The following NXPE4 variants were observed in gnomAD, a reference collection of about 807,000 sequenced individuals.
The protein encoded by NXPE4 is neurexophilin and PC-esterase domain family member 4.
In NXPE4, 42 loss-of-function variants were observed where a neutral mutation model predicts 33.3. That is an observed-to-expected ratio of 1.26 (90% CI 0.98 to 1.63). The LOEUF (loss-of-function observed/expected upper bound fraction) is 1.63, where lower values mean the gene tolerates loss of function less well. Among genes scored for constraint, NXPE4 ranks in the 40% most tolerant of loss-of-function variants. NXPE4 has a pLI of 0.00. For synonymous variants in NXPE4, 253 were observed against 234.9 expected, an observed-to-expected ratio of 1.08 and a Z score of -0.71; for missense variants, 709 against 647.6, an observed-to-expected ratio of 1.09 and a Z score of -1.03.
the NXPE4 span, among the ~76,000 whole-genome samples, chr11:114,653,467 C>A: frequency 6.6e-6 from 1 of 151,906 alleles, no homozygotes; most frequent in African/African-American, 2.4e-5. Context: ...AATATTTAAC[C>A]CTTGGGTGCT....
the NXPE4 span, among the ~76,000 whole-genome samples, chr11:114,626,246 G>C: frequency 6.6e-6 from 1 of 152,212 alleles, no homozygotes; most frequent in Non-Finnish European, 1.5e-5. Flanking sequence ...CAAAAAGACA[G>C]CAGTAACCTC....
chr11:114,673,277 G>T, the NXPE4 span, among the ~76,000 whole-genome samples: 1 of 151,286 alleles, frequency 6.6e-6, no homozygotes, highest in South Asian at 2.1e-4. Flanking sequence ...ACTTTCAGAT[G>T]AATGAAAATG....
In NXPE4 at chr11:114,582,702, C is replaced by G; in HGVS notation, c.416G>C (p.Arg139Thr). 2.5e-6 allele frequency: 4 copies of G among 1,614,126 alleles called. No homozygotes were observed. The highest frequency in any genetic ancestry group is 3.4e-6 in the Non-Finnish European group (4 of 1,180,004). Reference sequence around the variant, plus strand: ...CAGCGCTGGGGAAGACATCCTGGCCCTCAGGAAATCCCCGCCATATTGCTT... The same window carrying G: ...CAGCGCTGGGGAAGACATCCTGGCCGTCAGGAAATCCCCGCCATATTGCTT... ...RRKQYGGDFL[R>T]ARMSSPALMA... Residue 139 changes from arginine (R) to threonine (T), a missense_variant, in exon 3 of 6, where the codon AGG (arginine) becomes ACG (threonine). Transcript: ENST00000375478.
At chr11:114,628,066 T>A in the NXPE4 span, among the ~76,000 whole-genome samples, 1 of 149,806 alleles carries the variant, frequency 6.7e-6, no homozygotes, top group Non-Finnish European at 1.5e-5. Flanking sequence ...CACACGTTAA[T>A]AATGGGAGAC....
chr11:114,622,040 G>T, the NXPE4 span, among the ~76,000 whole-genome samples: 1 of 152,116 alleles, frequency 6.6e-6, no homozygotes, highest in Non-Finnish European at 1.5e-5. Context: ...TTACCCAGTG[G>T]ATAATAAGTA....
At chr11:114,614,456 C>G in the NXPE4 span, among the ~76,000 whole-genome samples, 2 of 151,596 alleles carry the variant, frequency 1.3e-5, no homozygotes, top group African/African-American at 4.8e-5. Context: ...ACCACTGTTA[C>G]CCGCTGGATG....
At chr11:114,609,434 C>A in the NXPE4 span, among the ~76,000 whole-genome samples, 6 of 151,786 alleles carry the variant, frequency 4.0e-5, no homozygotes, top group Non-Finnish European at 5.9e-5. Context: ...ATAAGTGTTG[C>A]CTCTCTGGTA....
the NXPE4 span, among the ~76,000 whole-genome samples, chr11:114,667,097 GC>G: frequency 6.6e-6 from 1 of 152,056 alleles, no homozygotes; most frequent in Non-Finnish European, 1.5e-5. Flanking sequence ...TTCTAACTGT[GC>G]TGTGATGGCC....
chr11:114,608,568 C>T, the NXPE4 span, among the ~76,000 whole-genome samples: 1 of 150,824 alleles, frequency 6.6e-6, no homozygotes, highest in Non-Finnish European at 1.5e-5. Flanking sequence ...CGTGTGTATC[C>T]ACTGATACCC....
chr11:114,603,195 C>A, the NXPE4 span, among the ~76,000 whole-genome samples: 283 of 147,984 alleles, frequency 1.9e-3, 1 homozygote, highest in African/African-American at 6.8e-3. Flanking sequence ...AGTATTGCCT[C>A]GTCTCCTAGG....
At chr11:114,629,920 A>G in the NXPE4 span, among the ~76,000 whole-genome samples, 3 of 150,642 alleles carry the variant, frequency 2.0e-5, no homozygotes, top group African/African-American at 7.3e-5. Context: ...TCCCATTCAC[A>G]ATTGCTTCAA....
chr11:114,661,973 G>C, the NXPE4 span, among the ~76,000 whole-genome samples: 2 of 152,122 alleles, frequency 1.3e-5, no homozygotes, highest in Non-Finnish European at 2.9e-5. Context: ...TGTAGGAGGT[G>C]GGGTAAGATG....
chr11:114,670,751 TGGA>T, the NXPE4 span, among the ~76,000 whole-genome samples: 1 of 151,018 alleles, frequency 6.6e-6, no homozygotes, highest in Admixed American at 6.6e-5. Context: ...TTCCATAGAG[TGGA>T]GATCAGTATA....
At chr11:114,583,411 C>T in intron 2 of NXPE4, 1 of 641,418 alleles carries the variant, frequency 1.6e-6, no homozygotes, top group Admixed American at 1.9e-5. Flanking sequence ...AAATGGAAAC[C>T]CATCACCCTC....
At chr11:114,606,189 A>T in the NXPE4 span, among the ~76,000 whole-genome samples, 3 of 138,336 alleles carry the variant, frequency 2.2e-5, no homozygotes, top group East Asian at 2.3e-4. Flanking sequence ...GGGTAATCAC[A>T]GTTACCCGGT....
Position 114,571,093 on chromosome 11 carries a change from T to C in NXPE4, c.1480A>G (p.Ile494Val). The C allele has an allele frequency of 6.2e-7, 1 of 1,614,042 alleles. No individual in the cohort carries two copies. The highest frequency in any genetic ancestry group is 8.5e-7 in the Non-Finnish European group (1 of 1,179,924). ...AERFSDFHGY[I>V]QYLIIKDIFQ... ...ATGTCCTTTATGATGAGATATTGAA[T>C]GTAACCATGAAAGTCACTAAATCTT... Residue 494 changes from isoleucine to valine, a missense_variant, in exon 6 of 6, where the codon ATT (isoleucine) becomes GTT (valine). Coordinates refer to ENST00000375478, the MANE Select transcript of NXPE4 (RefSeq NM_001077639.2).
chr11:114,577,264 T>A (rs1299950667), intron 5 of NXPE4, among the ~76,000 whole-genome samples: 1 of 150,916 alleles, frequency 6.6e-6, no homozygotes, highest in African/African-American at 2.4e-5. Flanking sequence ...CTGGATGGAA[T>A]GGGAGGCTAT....
At chr11:114,579,685 CAG>C (rs1297693946) in intron 5 of NXPE4, among the ~76,000 whole-genome samples, 1 of 152,178 alleles carries the variant, frequency 6.6e-6, no homozygotes, top group African/African-American at 2.4e-5. Context: ...CTTCAGTTGA[CAG>C]ATGAGAAAAC....
chr11:114,577,037 AT>A (rs1208230619), intron 5 of NXPE4, among the ~76,000 whole-genome samples: 9 of 32,310 alleles, frequency 2.8e-4, no homozygotes, highest in Admixed American at 2.6e-3. Flanking sequence ...ACATATATAT[AT>A]ATAAAGTTAT....
Sources: gnomAD v4.1 joint callset for allele counts (sites outside exome capture counted in the v4.1 genomes callset) on GRCh38, gnomAD v4.1.1 for gene constraint, MANE v1.5 for transcripts, NCBI Gene and HGNC (gene_info 2026-07-23, HGNC 2026-07-21) for gene names.